GCNT1: variants seen among roughly 807,000 people sequenced by gnomAD.
The protein encoded by GCNT1 is glucosaminyl (N-acetyl) transferase 1.
GCNT1 carries 16 observed loss-of-function variants against 26.2 expected under a neutral mutation model. That is an observed-to-expected ratio of 0.61 (90% CI 0.41 to 0.93). The LOEUF is 0.93. Ranked by LOEUF, GCNT1 falls within the 40% of genes least tolerant of loss-of-function variation. GCNT1 has a pLI of 0.00. For missense variants in GCNT1, 477 were observed against 526.7 expected, an observed-to-expected ratio of 0.91 and a Z score of 0.92; for synonymous variants, 183 against 190.8, an observed-to-expected ratio of 0.96 and a Z score of 0.34.
chr9:76,430,183 G>GT (rs1172317839), intron 1 of GCNT1, among the ~76,000 whole-genome samples: 1 of 152,082 alleles, frequency 6.6e-6, no homozygotes, highest in Non-Finnish European at 1.5e-5. Flanking sequence ...ATAGGTGGCT[G>GT]TTTTTTTGCA....
At chr9:76,498,773 CAAAA>C (rs1169273731) in intron 2 of GCNT1, among the ~76,000 whole-genome samples, 1 of 39,396 alleles carries the variant, frequency 2.5e-5, no homozygotes. Flanking sequence ...AATTCCAGCT[CAAAA>C]AAAAAAAAAA....
Position 76,503,080 on chromosome 9 carries a change from C to T in GCNT1, c.699C>T (p.Leu233=). Residue 233 remains leucine, a synonymous_variant, in exon 4 of 4, where the codon CTC becomes CTT. Transcript: ENST00000376730. Reference sequence around the variant, plus strand: ...CCAACCTAGAAATTGTCAGGAAGCTCAAGTTGTTAATGGGAGAAAACAACC... The same window carrying T: ...CCAACCTAGAAATTGTCAGGAAGCTTAAGTTGTTAATGGGAGAAAACAACC... ...IKTNLEIVRK[L]KLLMGENNLE... is the part of the protein sequence containing the mutation. 6.2e-7 allele frequency: 1 copy of T among 1,614,002 alleles called. No homozygotes were observed. Among genetic ancestry groups the T allele is most frequent in the Non-Finnish European group, 8.5e-7 (1 of 1,179,998 alleles).
At chr9:76,445,181 G>A (rs1823555170) in intron 1 of GCNT1, among the ~76,000 whole-genome samples, 1 of 152,144 alleles carries the variant, frequency 6.6e-6, no homozygotes, top group South Asian at 2.1e-4. Context: ...TGAAGTTGCA[G>A]AAGAAAGAAT....
the GCNT1 span, chr9:76,399,279 C>A: frequency 1.1e-5 from 16 of 1,415,454 alleles, no homozygotes; most frequent in South Asian, 2.3e-5. Context: ...TATGACCACC[C>A]GTGGGAGGTC....
chr9:76,472,753 T>C (rs1370426385), intron 2 of GCNT1, among the ~76,000 whole-genome samples: 2 of 76,206 alleles, frequency 2.6e-5, no homozygotes, highest in Non-Finnish European at 5.2e-5. Flanking sequence ...TCTTTTCTTT[T>C]TTTTTTTTTT....
intron 2 of GCNT1, among the ~76,000 whole-genome samples, chr9:76,463,429 C>T (rs1317140330): frequency 6.6e-6 from 1 of 152,170 alleles, no homozygotes; most frequent in East Asian, 1.9e-4. Context: ...CAAATCTAAA[C>T]CGTGAAATGT....
intron 2 of GCNT1, among the ~76,000 whole-genome samples, chr9:76,461,493 G>C (rs2131594594): frequency 6.6e-6 from 1 of 151,710 alleles, no homozygotes; most frequent in South Asian, 2.1e-4. Context: ...CTGAGACGGA[G>C]AATTGCTTGA....
chr9:76,452,094 G>A (rs1371582952), intron 1 of GCNT1, among the ~76,000 whole-genome samples: 3 of 151,374 alleles, frequency 2.0e-5, no homozygotes, highest in South Asian at 4.2e-4. Context: ...TCAGCCTCCC[G>A]AGTAACTGGG....
upstream of GCNT1, among the ~76,000 whole-genome samples, chr9:76,417,511 C>A (rs7847608): frequency 3.9e-5 from 6 of 152,048 alleles, no homozygotes; most frequent in Non-Finnish European, 8.8e-5. Flanking sequence ...AATGTTTTTA[C>A]GTCAACTGAA....
At chr9:76,456,400 C>T (rs534314740), upstream of GCNT1, among the ~76,000 whole-genome samples, 1 of 152,146 alleles carries the variant, frequency 6.6e-6, no homozygotes, top group Non-Finnish European at 1.5e-5. Flanking sequence ...GGTCTGACTC[C>T]CAGCCAACCA....
intron 2 of GCNT1, among the ~76,000 whole-genome samples, chr9:76,470,789 G>A (rs1824115508): frequency 1.3e-5 from 2 of 151,508 alleles, no homozygotes; most frequent in South Asian, 4.2e-4. Context: ...TTTTTTTAAA[G>A]CCACTTAATG....
rs1358713673 is a variant in GCNT1 at position 76,453,859 on chromosome 9, A to T, written c.-290+11544A>T. On this transcript the variant is annotated intron_variant, in intron 1 of 2. Coordinates refer to the GCNT1 transcript ENST00000442371. The stretch of plus-strand genomic sequence containing the variant: ...TGGTGGAGGTCCCTAGGTGAGTTCC[A>T]GTCTTGAGCTGGATCACAGCAATGA... Among the ~76,000 whole-genome samples the T allele has an allele frequency of 2.0e-5, 3 of 152,166 alleles. No homozygotes were observed. In the East Asian group the frequency reaches 5.8e-4, roughly 29 times the overall value.
intron 1 of GCNT1, among the ~76,000 whole-genome samples, chr9:76,436,558 C>T (rs1246812082): frequency 1.4e-5 from 2 of 142,390 alleles, no homozygotes; most frequent in African/African-American, 5.3e-5. Context: ...CACCACTGCA[C>T]TCTGCACTCC....
the GCNT1 span, among the ~76,000 whole-genome samples, chr9:76,413,653 G>GTTTTTTTTTGTTTGT: frequency 8.4e-6 from 1 of 118,664 alleles, no homozygotes; most frequent in African/African-American, 3.1e-5. Context: ...GTTTTGTTTT[G>GTTTTTTTTTGTTTGT]TTTTTTTTTT....
intron 2 of GCNT1, among the ~76,000 whole-genome samples, chr9:76,461,194 CTT>C (rs71372085): frequency 0.12 from 14,574 of 125,956 alleles, 798 homozygotes; most frequent in African/African-American, 0.15. Flanking sequence ...GTGTAGGCAG[CTT>C]TTTTTTTTTT....
chr9:76,498,132 T>C (rs987962780), intron 2 of GCNT1, among the ~76,000 whole-genome samples: 12 of 152,356 alleles, frequency 7.9e-5, no homozygotes, highest in South Asian at 6.2e-4. Context: ...ATCTACATTG[T>C]ATGGAACTTG....
intron 2 of GCNT1, among the ~76,000 whole-genome samples, chr9:76,495,026 C>T (rs1034236441): frequency 9.2e-5 from 14 of 152,128 alleles, no homozygotes; most frequent in Non-Finnish European, 1.6e-4. Context: ...ATCTTTAGTC[C>T]GGCAGCCGCA....
At chr9:76,480,076 T>C (rs1252947967) in intron 2 of GCNT1, among the ~76,000 whole-genome samples, 2 of 152,262 alleles carry the variant, frequency 1.3e-5, no homozygotes, top group Non-Finnish European at 2.9e-5. Context: ...TACATATGGC[T>C]AGCCAGTTTT....
the GCNT1 span, among the ~76,000 whole-genome samples, chr9:76,397,991 T>G: frequency 6.6e-6 from 1 of 152,236 alleles, no homozygotes; most frequent in Non-Finnish European, 1.5e-5. Flanking sequence ...GTTGAGAGTC[T>G]ATGTGTCTTT....
Sources: gnomAD v4.1 joint callset for allele counts (sites outside exome capture counted in the v4.1 genomes callset) on GRCh38, gnomAD v4.1.1 for gene constraint, MANE v1.5 for transcripts, NCBI Gene and HGNC (gene_info 2026-07-23, HGNC 2026-07-21) for gene names.